The following IL20RB variants were observed in gnomAD, a reference collection of about 807,000 sequenced individuals.
IL20RB encodes the protein interleukin 20 receptor subunit beta.
In IL20RB, 21 loss-of-function variants were observed where a neutral mutation model predicts 33.3. The observed-to-expected ratio is 0.63, with a 90% confidence interval of 0.45 to 0.91. IL20RB has a LOEUF of 0.91. Ranked by LOEUF, IL20RB falls within the 40% of genes least tolerant of loss-of-function variation. The pLI, the probability that IL20RB is intolerant of heterozygous loss-of-function variation, is 0.00. For synonymous variants in IL20RB, 147 were observed against 146.8 expected (o/e 1.00, Z -0.01); for missense variants, 345 against 384.8 (o/e 0.90, Z 0.86).
In IL20RB at chr3:136,989,504, A is replaced by G. The variant is rs1941988714; in HGVS notation, c.470A>G (p.Glu157Gly). 2 of 1,614,042 alleles carry G rather than the reference A, an allele frequency of 1.2e-6. No homozygotes were observed. Among genetic ancestry groups the G allele is most frequent in the Non-Finnish European group, 1.7e-6 (2 of 1,179,950 alleles). The change falls in exon 4 of 7, where the codon GAG (glutamate) becomes GGG (glycine). Residue 157 changes from glutamate (E) to glycine (G), a missense_variant. Coordinates refer to ENST00000329582, the MANE Select transcript of IL20RB (RefSeq NM_144717.4). ...KDGFHLVIEL[E>G]DLGPQFEFLV... The stretch of plus-strand genomic sequence containing the variant: ...GGCTTCCACCTGGTTATTGAGCTGG[A>G]GGACCTGGGGCCCCAGTTTGAGTTC...
chr3:137,001,729 A>G (rs1308012117), intron 6 of IL20RB, among the ~76,000 whole-genome samples: 1 of 152,140 alleles, frequency 6.6e-6, no homozygotes, highest in African/African-American at 2.4e-5. Context: ...GAAATATGAC[A>G]TTAAGAATTT....
intron 1 of IL20RB, among the ~76,000 whole-genome samples, chr3:136,979,382 C>T (rs919574989): frequency 2.6e-5 from 4 of 152,150 alleles, no homozygotes; most frequent in African/African-American, 9.7e-5. Flanking sequence ...GAGATAGGCA[C>T]AGAGATGAAA....
chr3:136,973,165 A>T (rs1941530228), intron 1 of IL20RB, among the ~76,000 whole-genome samples: 1 of 152,044 alleles, frequency 6.6e-6, no homozygotes, highest in South Asian at 2.1e-4. Context: ...CTCTGAGAAG[A>T]TGCTTGATAG....
At chr3:136,988,243 C>T (rs1941957619) in intron 3 of IL20RB, among the ~76,000 whole-genome samples, 1 of 152,176 alleles carries the variant, frequency 6.6e-6, no homozygotes, top group South Asian at 2.1e-4. Flanking sequence ...TCTGGTCCTG[C>T]AGTATCTGGG....
intron 3 of IL20RB, among the ~76,000 whole-genome samples, chr3:136,987,411 T>C (rs1198861783): frequency 6.6e-6 from 1 of 152,138 alleles, no homozygotes; most frequent in Non-Finnish European, 1.5e-5. Context: ...TGCTGATTGG[T>C]GTGTTTACAA....
intron 6 of IL20RB, among the ~76,000 whole-genome samples, chr3:136,996,329 T>TAAAAC (rs1308027992): frequency 6.6e-6 from 1 of 151,754 alleles, no homozygotes; most frequent in Non-Finnish European, 1.5e-5. Context: ...AGCAGTGCAA[T>TAAAAC]AAAACAAAAC....
intron 6 of IL20RB, among the ~76,000 whole-genome samples, chr3:136,998,064 C>T (rs769846238): frequency 1.3e-5 from 2 of 151,734 alleles, no homozygotes; most frequent in Non-Finnish European, 2.9e-5. Flanking sequence ...GCCACTGTGC[C>T]TGGCCTCCAT....
rs577608430 is a variant in IL20RB, at chr3:137,010,231, G to A, written c.*8G>A. ...AGGGCCTGGATCTCATAGGTTTGCG[G>A]AAGGGCCCAGGTGAAGCCGAGAACC... On this transcript the variant is annotated 3_prime_UTR_variant, in exon 7 of 7. Coordinates refer to ENST00000329582, the MANE Select transcript of IL20RB (RefSeq NM_144717.4). The A allele has an allele frequency of 1.3e-5, 18 of 1,363,456 alleles. No homozygotes were observed. The African/African-American group carries it at 2.3e-4, about 17-fold the overall frequency. The allele number at this position is 1,363,456 out of a possible 1,614,324, so 84.5% of individuals were successfully genotyped here.
At chr3:136,993,634 T>C (rs887979110) in intron 5 of IL20RB, among the ~76,000 whole-genome samples, 3 of 149,802 alleles carry the variant, frequency 2.0e-5, no homozygotes, top group Non-Finnish European at 1.5e-5. Context: ...AGTGTTCTCA[T>C]TGTTCAGTTC....
intron 6 of IL20RB, among the ~76,000 whole-genome samples, chr3:137,003,517 A>G (rs938143544): frequency 6.6e-6 from 1 of 152,004 alleles, no homozygotes; most frequent in African/African-American, 2.4e-5. Context: ...TAGGTATTTT[A>G]TTCTCTTTGT....
chr3:136,983,896 G>C (rs992357170), intron 3 of IL20RB, among the ~76,000 whole-genome samples: 2 of 152,120 alleles, frequency 1.3e-5, no homozygotes, highest in Non-Finnish European at 2.9e-5. Flanking sequence ...GAGTGCAGTG[G>C]TGCCAACACA....
At chr3:136,984,684 G>A (rs1941859237) in intron 3 of IL20RB, among the ~76,000 whole-genome samples, 1 of 151,920 alleles carries the variant, frequency 6.6e-6, no homozygotes, top group African/African-American at 2.4e-5. Context: ...TAGGACCATT[G>A]GAATGGGATA....
chr3:137,008,202 T>G (rs936148549), intron 6 of IL20RB, among the ~76,000 whole-genome samples: 1 of 152,100 alleles, frequency 6.6e-6, no homozygotes, highest in African/African-American at 2.4e-5. Flanking sequence ...ACCGTCCAAG[T>G]ATGACCTTGC....
At chr3:136,974,809 C>A (rs1017855383) in intron 1 of IL20RB, among the ~76,000 whole-genome samples, 2 of 152,166 alleles carry the variant, frequency 1.3e-5, no homozygotes, top group Non-Finnish European at 2.9e-5. Context: ...TTTGCTCATT[C>A]TTTTTAAAAA....
intron 6 of IL20RB, among the ~76,000 whole-genome samples, chr3:137,006,133 T>C (rs547694755): frequency 4.7e-4 from 72 of 152,326 alleles, no homozygotes; most frequent in African/African-American, 1.5e-3. Flanking sequence ...CCAAGAGATC[T>C]GCTGTTAGTC....
chr3:137,010,552 C>T lies in IL20RB; in HGVS notation c.*329C>T, dbSNP rs1260356101. On this transcript the variant is annotated 3_prime_UTR_variant, in exon 7 of 7. Transcript: ENST00000329582. Reference sequence around the variant, plus strand: ...TACACACCTGCTAAACACACACACACAGAGTCTCTCTCTATATATACACAC... The same window carrying T: ...TACACACCTGCTAAACACACACACATAGAGTCTCTCTCTATATATACACAC... The T allele has an allele frequency of 4.2e-6, 1 of 238,344 alleles. No homozygotes were observed. Among genetic ancestry groups the T allele is most frequent in the Non-Finnish European group, 8.3e-6 (1 of 121,178 alleles). The allele number at this position is 238,344 out of a possible 1,614,324, so 14.8% of individuals were successfully genotyped here. A position where few individuals can be genotyped will look rare whatever the true frequency, so the allele number is the denominator to read the frequency against.
chr3:137,001,855 C>T (rs1560077475), intron 6 of IL20RB, among the ~76,000 whole-genome samples: 1 of 152,056 alleles, frequency 6.6e-6, no homozygotes. Context: ...TATACATGTG[C>T]CATGGTGGTT....
intron 2 of IL20RB, among the ~76,000 whole-genome samples, chr3:136,981,520 T>G (rs1028692921): frequency 6.6e-6 from 1 of 152,288 alleles, no homozygotes; most frequent in South Asian, 2.1e-4. Context: ...TCCTTTATAT[T>G]AGATGGCCTG....
chr3:137,005,148 CTT>C (rs1333561712), intron 6 of IL20RB, among the ~76,000 whole-genome samples: 2 of 152,140 alleles, frequency 1.3e-5, no homozygotes, highest in Non-Finnish European at 2.9e-5. Flanking sequence ...GTTGTGATTT[CTT>C]TTCTTTTACT....
Sources: gnomAD v4.1 joint callset for allele counts (sites outside exome capture counted in the v4.1 genomes callset) on GRCh38, gnomAD v4.1.1 for gene constraint, MANE v1.5 for transcripts, NCBI Gene and HGNC (gene_info 2026-07-23, HGNC 2026-07-21) for gene names.